OPCML: variants seen among roughly 807,000 people sequenced by gnomAD.
OPCML encodes opioid binding protein/cell adhesion molecule like.
OPCML carries 13 observed loss-of-function variants against 37.8 expected under a neutral mutation model. The ratio of observed to expected loss-of-function variants is 0.34; its 90% confidence interval spans 0.22 to 0.55. The LOEUF (loss-of-function observed/expected upper bound fraction) is 0.55, where lower values mean the gene tolerates loss of function less well. Ranked by LOEUF, OPCML falls within the 20% of genes least tolerant of loss-of-function variation. The probability of loss-of-function intolerance (pLI) is 0.91; values close to 1 mark genes in which losing one functional copy is unlikely to be tolerated. For missense variants in OPCML, 341 were observed against 435.6 expected (o/e 0.78, Z 1.93); for synonymous variants, 176 against 168.8 (o/e 1.04, Z -0.33).
intron 1 of OPCML, chr11:133,418,599 G>T: frequency 3.5e-6 from 1 of 289,118 alleles, no homozygotes; most frequent in Non-Finnish European, 5.2e-6. Context: ...CTGGGTGTGG[G>T]CCAAGCTTAC....
rs554344229 is a variant in OPCML at position 132,574,971 on chromosome 11, A to C, written c.380-45785T>G. 1.6e-4 allele frequency among the ~76,000 whole-genome samples: 24 copies of C among 152,084 alleles called. 1 individual carries two copies. The South Asian group carries it at 4.8e-3, about 30-fold the overall frequency. On this transcript the variant is annotated intron_variant, in intron 3 of 7. Transcript: ENST00000524381. ...GTATATCATATATATTTATTATGTA[A>C]ATATATTGATTATTCCTCTAATCAT...
intron 1 of OPCML, among the ~76,000 whole-genome samples, chr11:133,249,375 C>T (rs752983299): frequency 3.3e-5 from 5 of 152,152 alleles, no homozygotes; most frequent in Non-Finnish European, 5.9e-5. Context: ...AGAACTCACT[C>T]ACTAATGCAA....
At chr11:133,472,242 G>A (rs1000328652) in intron 1 of OPCML, among the ~76,000 whole-genome samples, 1 of 152,228 alleles carries the variant, frequency 6.6e-6, no homozygotes, top group African/African-American at 2.4e-5. Flanking sequence ...GCCTTTGCCT[G>A]GTGAAACTTT....
chr11:133,313,854 T>C (rs2136600696), intron 1 of OPCML, among the ~76,000 whole-genome samples: 1 of 152,276 alleles, frequency 6.6e-6, no homozygotes, highest in African/African-American at 2.4e-5. Context: ...CAGGTTGTGT[T>C]GATTTGTGAC....
At chr11:132,474,204 G>A (rs117803611) in intron 4 of OPCML, among the ~76,000 whole-genome samples, 4 of 152,258 alleles carry the variant, frequency 2.6e-5, no homozygotes, top group Non-Finnish European at 5.9e-5. Flanking sequence ...AGAGAGAGAT[G>A]GATTGGGTCA....
At chr11:132,990,544 G>C (rs1170951828) in intron 1 of OPCML, among the ~76,000 whole-genome samples, 1 of 152,200 alleles carries the variant, frequency 6.6e-6, no homozygotes, top group African/African-American at 2.4e-5. Flanking sequence ...GAGAGCTGAG[G>C]TCAGGAAAGA....
intron 2 of OPCML, among the ~76,000 whole-genome samples, chr11:132,719,602 G>A (rs1591513307): frequency 6.6e-6 from 1 of 152,322 alleles, no homozygotes; most frequent in South Asian, 2.1e-4. Flanking sequence ...TTTCAGCCAG[G>A]CAGATTCCTG....
intron 1 of OPCML, among the ~76,000 whole-genome samples, chr11:133,068,398 C>A (rs891654056): frequency 6.6e-6 from 1 of 152,186 alleles, no homozygotes; most frequent in Non-Finnish European, 1.5e-5. Context: ...GAGGTCTATG[C>A]CCAAATGGTA....
intron 2 of OPCML, among the ~76,000 whole-genome samples, chr11:132,675,553 T>A (rs930670509): frequency 6.6e-5 from 10 of 151,486 alleles, no homozygotes; most frequent in African/African-American, 2.4e-4. Context: ...TCCACCAAAA[T>A]AAAAAAACGC....
At chr11:132,626,603 G>C (rs1041932092) in intron 3 of OPCML, among the ~76,000 whole-genome samples, 6 of 151,936 alleles carry the variant, frequency 3.9e-5, no homozygotes, top group Non-Finnish European at 5.9e-5. Context: ...TTTTTCTCCA[G>C]TAAGGGCCTC....
chr11:133,527,861 G>A (rs936875634), intron 1 of OPCML, among the ~76,000 whole-genome samples: 7 of 152,136 alleles, frequency 4.6e-5, no homozygotes. Context: ...ATACTTAGAG[G>A]TTTGGGTGGA....
At chr11:132,435,906 T>G (rs1252191229) in intron 7 of OPCML, among the ~76,000 whole-genome samples, 180 bp downstream of exon 7, 1 of 152,200 alleles carries the variant, frequency 6.6e-6, no homozygotes, top group Non-Finnish European at 1.5e-5. Flanking sequence ...TCAATTACTG[T>G]GTAACTATCT....
At chr11:132,849,815 C>T (rs996800587) in intron 2 of OPCML, among the ~76,000 whole-genome samples, 47 of 152,242 alleles carry the variant, frequency 3.1e-4, no homozygotes, top group East Asian at 9.7e-4. Context: ...ACATGTAAAC[C>T]GGGGCAAATG....
intron 1 of OPCML, among the ~76,000 whole-genome samples, chr11:133,276,207 G>T (rs975948148): frequency 6.6e-6 from 1 of 152,124 alleles, no homozygotes; most frequent in Non-Finnish European, 1.5e-5. Flanking sequence ...GGGTTTCTTT[G>T]TTTCTTTCTT....
intron 4 of OPCML, among the ~76,000 whole-genome samples, chr11:132,455,355 T>G (rs2096079169): frequency 6.6e-6 from 1 of 152,172 alleles, no homozygotes; most frequent in South Asian, 2.1e-4. Flanking sequence ...TGAGATTCCC[T>G]TAACTCAAAA....
intron 1 of OPCML, among the ~76,000 whole-genome samples, chr11:133,382,678 C>G (rs1040351877): frequency 2.0e-5 from 3 of 152,150 alleles, no homozygotes; most frequent in Non-Finnish European, 4.4e-5. Flanking sequence ...AACCTTTAAT[C>G]CTGTTTGTTG....
chr11:132,483,727 C>G (rs2096189151), intron 4 of OPCML, among the ~76,000 whole-genome samples: 2 of 151,984 alleles, frequency 1.3e-5, no homozygotes, highest in Non-Finnish European at 2.9e-5. Context: ...AGATATAGAT[C>G]AATGGAACAG....
chr11:133,263,092 T>C (rs919480433), intron 1 of OPCML, among the ~76,000 whole-genome samples: 7 of 151,964 alleles, frequency 4.6e-5, no homozygotes, highest in Admixed American at 2.6e-4. Context: ...GGTTGGACTG[T>C]GGCTCGGACA....
chr11:132,773,693 T>C (rs1946719535), intron 2 of OPCML, among the ~76,000 whole-genome samples: 1 of 152,212 alleles, frequency 6.6e-6, no homozygotes, highest in Non-Finnish European at 1.5e-5. Context: ...TCATAGAGGA[T>C]GCATTTCCAT....
Sources: allele counts gnomAD v4.1 joint callset (sites outside exome capture counted in the v4.1 genomes callset), GRCh38; gene constraint gnomAD v4.1.1; transcripts MANE v1.5; gene names NCBI Gene and HGNC (gene_info 2026-07-23, HGNC 2026-07-21).